COMMD10: variants seen among roughly 807,000 people sequenced by gnomAD.
COMMD10 encodes the protein COMM domain containing 10.
COMMD10 carries 33 observed loss-of-function variants against 28.9 expected under a neutral mutation model. That is an observed-to-expected ratio of 1.14 (90% CI 0.87 to 1.53). The LOEUF (loss-of-function observed/expected upper bound fraction) is 1.53, where lower values mean the gene tolerates loss of function less well. COMMD10 is among the 40% of genes most tolerant of loss of function. The pLI, the probability that COMMD10 is intolerant of heterozygous loss-of-function variation, is 0.00. For missense variants in COMMD10, 310 were observed against 233.4 expected, an observed-to-expected ratio of 1.33 and a Z score of -2.14; for synonymous variants, 110 against 81.7, an observed-to-expected ratio of 1.35 and a Z score of -1.87.
At position 116,199,198 on chromosome 5, in the gene COMMD10, C is replaced by G. The variant is rs116431517; in HGVS notation, c.510+65020C>G. Among the ~76,000 whole-genome samples the G allele has an allele frequency of 8.2e-3, 1,244 of 152,140 alleles. 21 individuals carry two copies. Among genetic ancestry groups the G allele is most frequent in the African/African-American group, 0.028 (1,168 of 41,546 alleles). On this transcript the variant is annotated intron_variant, in intron 5 of 6. Coordinates refer to ENST00000274458, the MANE Select transcript of COMMD10 (RefSeq NM_016144.4). ...CTCATTTTTGTTTTAATTTGGATTT[C>G]TCTACTGACATACGGTGTGGAGCAT...
At chr5:116,118,617 C>G (rs1001527711) in intron 4 of COMMD10, among the ~76,000 whole-genome samples, 13 of 152,008 alleles carry the variant, frequency 8.6e-5, no homozygotes, top group Admixed American at 3.3e-4. Flanking sequence ...TACTTCAAGC[C>G]TTTTTGTGGT....
intron 5 of COMMD10, among the ~76,000 whole-genome samples, chr5:116,283,991 T>C: frequency 6.6e-6 from 1 of 151,448 alleles, no homozygotes; most frequent in East Asian, 1.9e-4. Context: ...ACTTACTGGG[T>C]GTGGAAGCGC....
Position 116,105,575 on chromosome 5 carries a change from T to A in COMMD10, c.399+12875T>A, listed in dbSNP as rs112756551. On this transcript the variant is annotated intron_variant, in intron 4 of 6. Coordinates refer to ENST00000274458, the MANE Select transcript of COMMD10 (RefSeq NM_016144.4). ...TACCTCTGGTAGAATTTGGCTGTCA[T>A]TCTGTCTAGTCTGGGACTTTTTTTG... Among the ~76,000 whole-genome samples the A allele has an allele frequency of 3.4e-3, 516 of 152,236 alleles. 7 individuals are homozygous for A. Among genetic ancestry groups the A allele is most frequent in the African/African-American group, 0.012 (492 of 41,552 alleles).
intron 5 of COMMD10, among the ~76,000 whole-genome samples, chr5:116,215,997 C>T (rs1410918882): frequency 1.3e-5 from 2 of 151,864 alleles, no homozygotes; most frequent in African/African-American, 4.8e-5. Flanking sequence ...AGTTGCCATT[C>T]GTGGGAAAGG....
intron 5 of COMMD10, among the ~76,000 whole-genome samples, chr5:116,271,424 A>G (rs948200746): frequency 6.6e-6 from 1 of 150,862 alleles, no homozygotes; most frequent in Admixed American, 6.6e-5. Context: ...GTTAGGGTGT[A>G]TTACTAATTC....
At chr5:116,225,112 T>G (rs180981814) in intron 5 of COMMD10, among the ~76,000 whole-genome samples, 5 of 152,116 alleles carry the variant, frequency 3.3e-5, no homozygotes, top group African/African-American at 7.2e-5. Flanking sequence ...TTTATTTCAC[T>G]TATTATACTT....
At chr5:116,168,487 T>C (rs563731723) in intron 5 of COMMD10, among the ~76,000 whole-genome samples, 2 of 152,118 alleles carry the variant, frequency 1.3e-5, no homozygotes, top group Non-Finnish European at 2.9e-5. Flanking sequence ...GCAGACCTAA[T>C]AGACATCTAC....
chr5:116,272,231 A>T (rs909070777), intron 5 of COMMD10, among the ~76,000 whole-genome samples: 2 of 151,816 alleles, frequency 1.3e-5, no homozygotes, highest in African/African-American at 4.9e-5. Flanking sequence ...TACTAACTGA[A>T]AAAAATGGGT....
At chr5:116,223,913 T>C (rs985673715) in intron 5 of COMMD10, among the ~76,000 whole-genome samples, 3 of 152,194 alleles carry the variant, frequency 2.0e-5, no homozygotes, top group Non-Finnish European at 4.4e-5. Flanking sequence ...TGCTTAACAG[T>C]ATTTTTATGT....
At chr5:116,177,048 G>C (rs1179355118) in intron 5 of COMMD10, among the ~76,000 whole-genome samples, 1 of 152,068 alleles carries the variant, frequency 6.6e-6, no homozygotes, top group Admixed American at 6.6e-5. Flanking sequence ...TCTTTTGGGG[G>C]TGCAGTCAAG....
chr5:116,094,627 C>G (rs896754741), intron 4 of COMMD10, among the ~76,000 whole-genome samples: 1 of 152,110 alleles, frequency 6.6e-6, no homozygotes. Flanking sequence ...TCTCAAAAAA[C>G]TAAAATTAGA....
chr5:116,257,619 A>T (rs1750323742), intron 5 of COMMD10, among the ~76,000 whole-genome samples: 1 of 151,610 alleles, frequency 6.6e-6, no homozygotes, highest in South Asian at 2.1e-4. Context: ...GGGGCCCTTT[A>T]CCTGAAATCA....
intron 4 of COMMD10, among the ~76,000 whole-genome samples, chr5:116,115,167 T>G (rs1033831748): frequency 3.3e-5 from 5 of 152,176 alleles, no homozygotes; most frequent in African/African-American, 1.2e-4. Flanking sequence ...GTTATTTCCC[T>G]ATAGCAGTTC....
Position 116,134,130 on chromosome 5 carries a change from A to G in COMMD10, c.462A>G (p.Lys154=), listed in dbSNP as rs201372224. The G allele has an allele frequency of 1.6e-5, 26 of 1,612,626 alleles. No individual in the cohort carries two copies. Among genetic ancestry groups the G allele is most frequent in the Non-Finnish European group, 2.0e-5 (24 of 1,178,716 alleles). The part of the protein sequence containing the change: ...QMAHSAQAKL[K]SPQAVLQLGV... The stretch of plus-strand genomic sequence containing the variant: ...CTCACTCTGCTCAAGCAAAACTAAA[A>G]TCTCCTCAAGCTGTGTTACAACTCG... Residue 154 remains lysine (K), a synonymous_variant, in exon 5 of 7, where the codon AAA becomes AAG. Transcript: ENST00000274458.
chr5:116,136,419 G>A (rs1295390831), intron 5 of COMMD10, among the ~76,000 whole-genome samples: 1 of 152,142 alleles, frequency 6.6e-6, no homozygotes, highest in Non-Finnish European at 1.5e-5. Flanking sequence ...ACTACCTAAT[G>A]TTAAGTCTGC....
chr5:116,113,234 T>G (rs1385230987), intron 4 of COMMD10, among the ~76,000 whole-genome samples: 1 of 152,116 alleles, frequency 6.6e-6, no homozygotes, highest in Non-Finnish European at 1.5e-5. Context: ...CTCTTGATTG[T>G]AGAATTTGTT....
intron 5 of COMMD10, among the ~76,000 whole-genome samples, chr5:116,217,832 G>T (rs767259527): frequency 1.3e-5 from 2 of 151,924 alleles, no homozygotes; most frequent in African/African-American, 2.4e-5. Context: ...CATCAATCCA[G>T]CTTCGAAGAC....
chr5:116,213,912 A>T (rs1208248807), intron 5 of COMMD10, among the ~76,000 whole-genome samples: 1 of 152,134 alleles, frequency 6.6e-6, no homozygotes, highest in East Asian at 1.9e-4. Context: ...TGTATTTTAC[A>T]TTCAGTCCTT....
At chr5:116,264,932 A>G (rs912422537) in intron 5 of COMMD10, among the ~76,000 whole-genome samples, 2 of 151,842 alleles carry the variant, frequency 1.3e-5, no homozygotes, top group African/African-American at 4.9e-5. Context: ...GATACTGCCT[A>G]TATTCAGAGT....
Sources: gnomAD v4.1 joint callset for allele counts (sites outside exome capture counted in the v4.1 genomes callset) on GRCh38, gnomAD v4.1.1 for gene constraint, MANE v1.5 for transcripts, NCBI Gene and HGNC (gene_info 2026-07-23, HGNC 2026-07-21) for gene names.